The following MRPS6 variants were observed in gnomAD, a reference collection of about 807,000 sequenced individuals.
MRPS6 encodes the protein mitochondrial ribosomal protein S6, also known as small ribosomal subunit protein bS6m.
MRPS6 carries 6 observed loss-of-function variants against 13.1 expected under a neutral mutation model. That is an observed-to-expected ratio of 0.46 (90% CI 0.25 to 0.91). MRPS6 has a LOEUF of 0.91. Among genes scored for constraint, MRPS6 ranks in the 40% least tolerant of loss-of-function variants. The probability of loss-of-function intolerance (pLI) is 0.18; values close to 1 mark genes in which losing one functional copy is unlikely to be tolerated. For missense variants in MRPS6, 164 were observed against 155.6 expected (o/e 1.05, Z -0.29); for synonymous variants, 61 against 56.5 (o/e 1.08, Z -0.36).
chr21:34,097,435 C>A, intron 1 of MRPS6: 1 of 1,504,948 alleles, frequency 6.6e-7, no homozygotes, highest in Non-Finnish European at 8.8e-7. Context: ...CTGTGCATCT[C>A]TCAGGCATTG....
intron 1 of MRPS6, chr21:34,105,831 C>T (rs1021149017): frequency 8.0e-6 from 8 of 994,734 alleles, no homozygotes; most frequent in Middle Eastern, 5.2e-4. Flanking sequence ...TGGTATAAAG[C>T]AGGTTATTTC....
chr21:34,137,407 A>G (rs781684026), intron 2 of MRPS6, among the ~76,000 whole-genome samples: 11 of 152,216 alleles, frequency 7.2e-5, no homozygotes, highest in Non-Finnish European at 1.2e-4. Context: ...GTTTAATTCA[A>G]GGTCTGATTA....
intron 1 of MRPS6, among the ~76,000 whole-genome samples, chr21:34,091,141 C>CA (rs916856985): frequency 3.3e-5 from 5 of 152,182 alleles, no homozygotes; most frequent in African/African-American, 1.2e-4. Flanking sequence ...TTACCATTGA[C>CA]AGAGTGCTGG....
chr21:34,101,160 G>A, intron 1 of MRPS6: 1 of 1,000,072 alleles, frequency 1.0e-6, no homozygotes, highest in South Asian at 4.7e-5. Context: ...ATAAGTACCT[G>A]GGTGACACAG....
At chr21:34,080,777 A>G (rs1304364170) in intron 1 of MRPS6, among the ~76,000 whole-genome samples, 1 of 152,234 alleles carries the variant, frequency 6.6e-6, no homozygotes, top group Non-Finnish European at 1.5e-5. Flanking sequence ...TATATGGTAG[A>G]TACTTACTAA....
At chr21:34,127,157 T>C (rs1980337918) in intron 2 of MRPS6, among the ~76,000 whole-genome samples, 2 of 152,326 alleles carry the variant, frequency 1.3e-5, no homozygotes, top group South Asian at 4.1e-4. Context: ...GCTGGTTCTT[T>C]TACTTTCAGA....
At position 34,142,740 on chromosome 21, in the gene MRPS6, C is replaced by T; in HGVS notation, c.*140C>T. 9.9e-7 allele frequency: 1 copy of T among 1,008,998 alleles called. No individual in the cohort carries two copies. Among genetic ancestry groups the T allele is most frequent in the Non-Finnish European group, 1.4e-6 (1 of 740,138 alleles). The allele number at this position is 1,008,998 out of a possible 1,614,324, so 62.5% of individuals were successfully genotyped here. On this transcript the variant is annotated 3_prime_UTR_variant, in exon 3 of 3. Transcript: ENST00000399312. ...TTGATTTTTCTAAGGTATTTTTAGCCCTTGATCCCCTTTGCTTGCGAGAGG... is the reference window on the plus strand; with the variant it reads ...TTGATTTTTCTAAGGTATTTTTAGCTCTTGATCCCCTTTGCTTGCGAGAGG...
chr21:34,080,950 A>G (rs1377958837), intron 1 of MRPS6, among the ~76,000 whole-genome samples: 1 of 152,198 alleles, frequency 6.6e-6, no homozygotes, highest in Non-Finnish European at 1.5e-5. Flanking sequence ...AGACTGTTTT[A>G]TGACAGGTAA....
intron 2 of MRPS6, among the ~76,000 whole-genome samples, chr21:34,129,391 C>T (rs528800158): frequency 1.5e-4 from 23 of 152,242 alleles, no homozygotes; most frequent in Non-Finnish European, 2.4e-4. Flanking sequence ...CTGTTTCTAC[C>T]GGGTCTGATT....
At chr21:34,095,243 G>T (rs1397609368) in intron 1 of MRPS6, 1 of 1,613,740 alleles carries the variant, frequency 6.2e-7, no homozygotes, top group African/African-American at 1.3e-5. Context: ...TAGTGGCCCT[G>T]TATTTTATCC....
intron 2 of MRPS6, among the ~76,000 whole-genome samples, chr21:34,127,330 G>C (rs936016480): frequency 6.6e-6 from 1 of 152,228 alleles, no homozygotes; most frequent in Non-Finnish European, 1.5e-5. Flanking sequence ...GTTTTTTAAA[G>C]TGTGGTCTCT....
At chr21:34,079,534 C>T (rs1289091146) in intron 1 of MRPS6, among the ~76,000 whole-genome samples, 2 of 149,116 alleles carry the variant, frequency 1.3e-5, no homozygotes, top group African/African-American at 5.0e-5. Flanking sequence ...CTCCTGGGTT[C>T]AAGCGATTCT....
At chr21:34,075,307 A>C (rs1989301239) in intron 1 of MRPS6, among the ~76,000 whole-genome samples, 1 of 152,214 alleles carries the variant, frequency 6.6e-6, no homozygotes. Context: ...AACCCTTTGA[A>C]ACCTTTGAAA....
At chr21:34,100,899 G>A (rs1270604500) in intron 1 of MRPS6, 3 of 1,000,014 alleles carry the variant, frequency 3.0e-6, no homozygotes, top group Non-Finnish European at 2.4e-6. Context: ...CTACTCAAAG[G>A]TTAGGTCTTC....
At chr21:34,113,127 A>C (rs1218783682) in intron 1 of MRPS6, among the ~76,000 whole-genome samples, 4 of 152,214 alleles carry the variant, frequency 2.6e-5, no homozygotes, top group Non-Finnish European at 5.9e-5. Flanking sequence ...GAACTGTTGC[A>C]CACCGTTGGT....
Position 34,142,373 on chromosome 21 carries a change from A to G in MRPS6, c.186-35A>G, listed in dbSNP as rs2123281390. On this transcript the variant is annotated intron_variant, in intron 2 of 2. Coordinates refer to ENST00000399312, the MANE Select transcript of MRPS6 (RefSeq NM_032476.4). ...AAAATAGTAGAATTATTACAATTCAAATGCAGACACTCACAAGTTTTTATT... is the reference window on the plus strand; with the variant it reads ...AAAATAGTAGAATTATTACAATTCAGATGCAGACACTCACAAGTTTTTATT... The G allele has an allele frequency of 5.2e-6, 8 of 1,540,428 alleles. No individual in the cohort carries two copies. In the East Asian group the frequency reaches 6.8e-5, roughly 13 times the overall value.
chr21:34,100,553 A>C, intron 1 of MRPS6: 1 of 1,000,206 alleles, frequency 1.0e-6, no homozygotes, highest in Non-Finnish European at 1.2e-6. Flanking sequence ...GATCCATTGT[A>C]TTTTGGCACA....
intron 2 of MRPS6, among the ~76,000 whole-genome samples, chr21:34,132,977 C>T (rs1440264822): frequency 6.6e-5 from 10 of 152,240 alleles, no homozygotes; most frequent in East Asian, 3.9e-4. Context: ...AAGGAGGCAA[C>T]GTGTAGGAAA....
At chr21:34,123,323 GC>G (rs1980188216) in intron 1 of MRPS6, 1 of 152,114 alleles carries the variant, frequency 6.6e-6, no homozygotes, top group Non-Finnish European at 1.5e-5. Context: ...CTGGAAGGTA[GC>G]CTATTCTTAA....
Sources: allele counts gnomAD v4.1 joint callset (sites outside exome capture counted in the v4.1 genomes callset), GRCh38; gene constraint gnomAD v4.1.1; transcripts MANE v1.5; gene names NCBI Gene and HGNC (gene_info 2026-07-23, HGNC 2026-07-21).